The following MYT1L variants were observed in gnomAD, a reference collection of about 807,000 sequenced individuals.
The protein encoded by MYT1L is myelin transcription factor 1 like.
MYT1L carries 12 observed loss-of-function variants against 126.7 expected under a neutral mutation model. The observed-to-expected ratio is 0.09, with a 90% confidence interval of 0.06 to 0.15. The LOEUF (loss-of-function observed/expected upper bound fraction) is 0.15. MYT1L is among the 10% of genes least tolerant of loss of function. The probability of loss-of-function intolerance (pLI) is 1.00; values close to 1 mark genes in which losing one functional copy is unlikely to be tolerated. For missense variants in MYT1L, 979 were observed against 1,585.2 expected (o/e 0.62, Z 6.49); for synonymous variants, 541 against 604.2 (o/e 0.90, Z 1.53).
At chr2:2,328,800 T>C (rs1009048751) in intron 1 of MYT1L, among the ~76,000 whole-genome samples, 3 of 152,200 alleles carry the variant, frequency 2.0e-5, no homozygotes, top group Non-Finnish European at 4.4e-5. Flanking sequence ...TATTGATATG[T>C]TTGAATATTT....
chr2:2,169,715 C>A (rs1421046941), intron 3 of MYT1L, among the ~76,000 whole-genome samples: 1 of 152,142 alleles, frequency 6.6e-6, no homozygotes, highest in South Asian at 2.1e-4. Context: ...TCCCACCCCA[C>A]CCGGTTGTGT....
intron 1 of MYT1L, among the ~76,000 whole-genome samples, chr2:2,308,054 C>T (rs1191499322): frequency 6.6e-6 from 1 of 151,632 alleles, no homozygotes; most frequent in East Asian, 1.9e-4. Context: ...ACTCTATACT[C>T]CACCTATGCT....
In MYT1L at chr2:1,979,825, G is replaced by T. The variant is rs61061842; in HGVS notation, c.1-48C>A. The T allele has an allele frequency of 2.7e-3, 4,321 of 1,602,768 alleles. 127 individuals carry two copies. In the African/African-American group the frequency reaches 0.052, roughly 19 times the overall value. ...CAATGTGCTTATCCTGCCTGTGCAG[G>T]CCAGCCCTGCAGGGGCGGCTCACTC... On this transcript the variant is annotated intron_variant, in intron 5 of 24. Transcript: ENST00000647738. This position sits in a 1 kb window ranked among gnomAD's most constrained non-coding sequence, Gnocchi z 4.0.
intron 5 of MYT1L, among the ~76,000 whole-genome samples, chr2:1,980,456 G>T (rs2060522145): frequency 1.3e-5 from 2 of 151,904 alleles, no homozygotes; most frequent in Non-Finnish European, 1.5e-5. Flanking sequence ...CGCTCTCAAT[G>T]TTGTTTAGTT....
At chr2:1,973,908 C>T (rs1351639270) in intron 8 of MYT1L, among the ~76,000 whole-genome samples, 1 of 152,230 alleles carries the variant, frequency 6.6e-6, no homozygotes, top group Non-Finnish European at 1.5e-5. Flanking sequence ...CACTTATCTC[C>T]ACGGGGCCTT....
intron 3 of MYT1L, among the ~76,000 whole-genome samples, chr2:2,118,989 T>C (rs1410335561): frequency 6.6e-6 from 1 of 152,284 alleles, no homozygotes; most frequent in Non-Finnish European, 1.5e-5. Flanking sequence ...TGCTTCCAGT[T>C]TTCCTGCCAC....
intron 3 of MYT1L, among the ~76,000 whole-genome samples, chr2:2,114,087 TAGACTC>T (rs2147787697): frequency 6.6e-6 from 1 of 151,960 alleles, no homozygotes; most frequent in East Asian, 1.9e-4. Context: ...GATAGGAAAA[TAGACTC>T]AGAGGTTTTA....
At chr2:1,844,906 G>A (rs2042288037) in intron 19 of MYT1L, among the ~76,000 whole-genome samples, 1 of 152,026 alleles carries the variant, frequency 6.6e-6, no homozygotes, top group African/African-American at 2.4e-5. Flanking sequence ...CCTGGGCATT[G>A]GAGCTACAGC....
intron 4 of MYT1L, among the ~76,000 whole-genome samples, chr2:2,029,500 G>T (rs986553074): frequency 6.6e-6 from 1 of 152,114 alleles, no homozygotes; most frequent in South Asian, 2.1e-4. Context: ...ACAGTATGGG[G>T]GAAACCACTC....
intron 18 of MYT1L, among the ~76,000 whole-genome samples, chr2:1,880,630 T>C (rs1055441130): frequency 2.6e-5 from 4 of 152,354 alleles, no homozygotes; most frequent in Non-Finnish European, 4.4e-5. Context: ...TACACAGTTG[T>C]TGTCAGTGGT....
At chr2:2,318,953 A>G (rs1487434204) in intron 1 of MYT1L, among the ~76,000 whole-genome samples, 1 of 152,194 alleles carries the variant, frequency 6.6e-6, no homozygotes, top group Non-Finnish European at 1.5e-5. Context: ...CAAAATTCTT[A>G]ATTCTAAATA....
In MYT1L at chr2:1,929,347, C is replaced by T. The variant is rs1345763147; in HGVS notation, c.506-6084G>A. Among the ~76,000 whole-genome samples the T allele has an allele frequency of 6.6e-6, 1 of 152,164 alleles. No individual in the cohort carries two copies. The highest frequency in any genetic ancestry group is 6.5e-5 in the Admixed American group (1 of 15,282). On this transcript the variant is annotated intron_variant, in intron 9 of 24. Transcript: ENST00000647738. This position sits in a 1 kb window ranked among gnomAD's most constrained non-coding sequence, Gnocchi z 4.7. ...CTCTGCCTCCCTCATCCTCTACTGC[C>T]AGTGAGGCCCTTCACTAGAAGACCC...
rs145280513 is a variant in MYT1L, at chr2:2,251,329, A to G, written c.-421+33075T>C. Among the ~76,000 whole-genome samples the G allele has an allele frequency of 6.5e-3, 997 of 152,282 alleles. 13 individuals carry two copies. The highest frequency in any genetic ancestry group is 0.023 in the African/African-American group (954 of 41,522). The stretch of plus-strand genomic sequence containing the variant: ...ACTGTATAATGACCTAGACGTGGAG[A>G]TACGTCCGCTGCAGCCCAGGCTTCA... On this transcript the variant is annotated intron_variant, in intron 2 of 24. Coordinates refer to ENST00000647738, the MANE Select transcript of MYT1L (RefSeq NM_001303052.2).
rs191596529 is a variant in MYT1L, at chr2:1,957,657, T to C, written c.153-14323A>G. 9.0e-3 allele frequency among the ~76,000 whole-genome samples: 1,367 copies of C among 152,344 alleles called. 6 individuals are homozygous for C. The highest frequency in any genetic ancestry group is 0.012 in the Non-Finnish European group (837 of 68,042). The stretch of plus-strand genomic sequence containing the variant: ...GTCATCTATCTATCGTTATCATCTA[T>C]AATCTATCAATCTATCTGTCATCTA... On this transcript the variant is annotated intron_variant, in intron 8 of 24. Transcript: ENST00000647738.
At chr2:1,914,324 C>T (rs540452161) in intron 11 of MYT1L, among the ~76,000 whole-genome samples, 5 of 152,220 alleles carry the variant, frequency 3.3e-5, no homozygotes, top group African/African-American at 9.6e-5. Flanking sequence ...CTCAGACACA[C>T]GGGGCTTTAT....
intron 18 of MYT1L, among the ~76,000 whole-genome samples, chr2:1,880,985 C>T (rs541099605): frequency 6.6e-6 from 1 of 152,254 alleles, no homozygotes; most frequent in East Asian, 1.9e-4. Context: ...TTCATCAAGC[C>T]CTTTAAAAAG....
At chr2:2,249,941 C>G (rs2094604040) in intron 2 of MYT1L, among the ~76,000 whole-genome samples, 1 of 152,052 alleles carries the variant, frequency 6.6e-6, no homozygotes, top group African/African-American at 2.4e-5. Flanking sequence ...TACTGATTAT[C>G]AGAGAAATGC....
chr2:1,997,943 TACTC>T lies in MYT1L; in HGVS notation c.-157-600_-157-597del, dbSNP rs570343763. 5.5e-3 allele frequency among the ~76,000 whole-genome samples: 843 copies of T among 152,344 alleles called. 7 individuals carry two copies. Among genetic ancestry groups the T allele is most frequent in the African/African-American group, 0.019 (791 of 41,566 alleles). ...TGAATTTTATGAATAAAGATACTGA[TACTC>T]AGAGAGTATCAGAGAGTGCTCAGAA... On this transcript the variant is annotated intron_variant, in intron 4 of 24. Coordinates refer to ENST00000647738, the MANE Select transcript of MYT1L (RefSeq NM_001303052.2).
At chr2:1,924,054 T>C (rs560237644) in intron 9 of MYT1L, among the ~76,000 whole-genome samples, 3 of 152,294 alleles carry the variant, frequency 2.0e-5, no homozygotes, top group African/African-American at 7.2e-5. Context: ...TACTGCACAG[T>C]GTTTGACTGG....
Sources: gnomAD v4.1 joint callset for allele counts (sites outside exome capture counted in the v4.1 genomes callset) on GRCh38, gnomAD v4.1.1 for gene constraint, Gnocchi (gnomAD v3.1) non-coding constraint, MANE v1.5 for transcripts, NCBI Gene and HGNC (gene_info 2026-07-23, HGNC 2026-07-21) for gene names.